Variants in AK5 observed in about 807,000 individuals in gnomAD.
AK5 encodes adenylate kinase isoenzyme 5.
Under a neutral mutation model 69.5 loss-of-function variants are expected in AK5, and 27 were observed. That is an observed-to-expected ratio of 0.39 (90% CI 0.29 to 0.54). AK5 has a LOEUF of 0.54. AK5 is among the 20% of genes least tolerant of loss of function. AK5 has a pLI of 0.71. For synonymous variants in AK5, 260 were observed against 244.4 expected (o/e 1.06, Z -0.60); for missense variants, 531 against 700.4 (o/e 0.76, Z 2.73).
chr1:77,282,223 G>A lies in AK5; in HGVS notation c.-91G>A. ...AGAGGGCTGCACCGCTGCTCGGCGC[G>A]GACTCTGCCAGCCCCAGCTTCAGCC... On this transcript the variant is annotated 5_prime_UTR_variant, in exon 1 of 14. Transcript: ENST00000354567. 3 of 1,259,934 alleles carry A rather than the reference G, an allele frequency of 2.4e-6. No homozygotes were observed. The highest frequency in any genetic ancestry group is 3.3e-6 in the Non-Finnish European group (3 of 913,408). The allele number at this position is 1,259,934 out of a possible 1,614,324, so 78.0% of individuals were successfully genotyped here. A position where few individuals can be genotyped will look rare whatever the true frequency, so the allele number is the denominator to read the frequency against.
In AK5 at chr1:77,521,903, A is replaced by G. The variant is rs1658007856; in HGVS notation, c.1388A>G (p.Tyr463Cys). ...ACCAGGGGCTTCCTGATTGACGGCT[A>G]TCCTCGGGAGGTGAAGCAAGGGGAA... ...GDTRGFLIDG[Y>C]PREVKQGEEF... The change falls in exon 12 of 14, where the codon TAT becomes TGT. Residue 463 changes from tyrosine (Y) to cysteine (C), a missense_variant. Transcript: ENST00000354567. The G allele has an allele frequency of 6.2e-7, 1 of 1,613,352 alleles. No individual in the cohort carries two copies. Among genetic ancestry groups the G allele is most frequent in the South Asian group, 1.1e-5 (1 of 90,946 alleles).
intron 13 of AK5, among the ~76,000 whole-genome samples, chr1:77,547,743 C>T (rs1659615243): frequency 6.6e-6 from 1 of 152,166 alleles, no homozygotes. Context: ...ATACCCAAGT[C>T]ATTCCAAATA....
rs1425180466 is a variant in AK5 at position 77,391,495 on chromosome 1, G to GTGTGTATATA, written c.892-19485_892-19484insGTGTATATAT. Among the ~76,000 whole-genome samples, 55 of 63,392 alleles carry GTGTGTATATA rather than the reference G, an allele frequency of 8.7e-4. 1 individual carries two copies. The South Asian group carries it at 0.03, about 34-fold the overall frequency. The allele number at this position is 63,392 out of a possible 152,430, so 41.6% of individuals were successfully genotyped here. A position where few individuals can be genotyped will look rare whatever the true frequency, so the allele number is the denominator to read the frequency against. On this transcript the variant is annotated intron_variant, in intron 6 of 13. Coordinates refer to ENST00000354567, the MANE Select transcript of AK5 (RefSeq NM_174858.3). ...TATGTGTGTGTGTATGTGTGTGTGT[G>GTGTGTATATA]TATATATATATATATATATATATAT...
intron 6 of AK5, among the ~76,000 whole-genome samples, chr1:77,391,009 C>T (rs529355407): frequency 7.9e-5 from 12 of 152,274 alleles, no homozygotes; most frequent in African/African-American, 2.2e-4. Context: ...AAATAATCCA[C>T]GGACAAACTT....
At chr1:77,346,317 C>T (rs1661912209) in intron 6 of AK5, 1 of 152,160 alleles carries the variant, frequency 6.6e-6, no homozygotes, top group Admixed American at 6.5e-5. Flanking sequence ...TTAGAGAGAA[C>T]TGCTGAATAA....
intron 5 of AK5, among the ~76,000 whole-genome samples, chr1:77,306,046 A>T (rs1467025265): frequency 2.0e-5 from 3 of 151,464 alleles, no homozygotes; most frequent in Non-Finnish European, 3.0e-5. Context: ...CATTACAGAG[A>T]TTGTTTGGTT....
chr1:77,292,839 T>C (rs1373760494), intron 2 of AK5, among the ~76,000 whole-genome samples: 1 of 152,186 alleles, frequency 6.6e-6, no homozygotes, highest in Non-Finnish European at 1.5e-5. Context: ...TGTAATTCAT[T>C]AAATTACCGT....
intron 6 of AK5, among the ~76,000 whole-genome samples, chr1:77,398,642 G>A (rs565572351): frequency 6.6e-6 from 1 of 152,288 alleles, no homozygotes; most frequent in Admixed American, 6.5e-5. Flanking sequence ...GAGAAAAAAC[G>A]AGAACTGCAC....
At chr1:77,353,107 G>C (rs780932336) in intron 6 of AK5, among the ~76,000 whole-genome samples, 6 of 152,040 alleles carry the variant, frequency 3.9e-5, no homozygotes, top group Non-Finnish European at 8.8e-5. Flanking sequence ...CTAACATACT[G>C]TATCCAGTGC....
At chr1:77,483,414 G>A (rs1386690223) in intron 9 of AK5, 55 bp downstream of exon 9, 48 of 1,378,418 alleles carry the variant, frequency 3.5e-5, no homozygotes, top group Non-Finnish European at 4.7e-5. Flanking sequence ...CTTTGACCAT[G>A]CCTTTTTAAT....
At chr1:77,489,186 T>A (rs1655817098) in intron 10 of AK5, among the ~76,000 whole-genome samples, 1 of 152,192 alleles carries the variant, frequency 6.6e-6, no homozygotes, top group Non-Finnish European at 1.5e-5. Context: ...CAGTAGAAGA[T>A]CTTTGGAATT....
intron 5 of AK5, among the ~76,000 whole-genome samples, chr1:77,303,604 A>G (rs1227389536): frequency 6.6e-6 from 1 of 152,222 alleles, no homozygotes; most frequent in Non-Finnish European, 1.5e-5. Context: ...ACTCCACTGT[A>G]CCTTTGTGAG....
At chr1:77,383,069 T>G (rs960193495) in intron 6 of AK5, among the ~76,000 whole-genome samples, 4 of 152,216 alleles carry the variant, frequency 2.6e-5, no homozygotes, top group Admixed American at 2.6e-4. Flanking sequence ...AAACCATTAT[T>G]ATGATAAATG....
chr1:77,459,267 T>A (rs892137998), intron 8 of AK5, among the ~76,000 whole-genome samples: 1 of 152,186 alleles, frequency 6.6e-6, no homozygotes, highest in Non-Finnish European at 1.5e-5. Flanking sequence ...AATTTCAAAC[T>A]CCTTACATGG....
intron 10 of AK5, among the ~76,000 whole-genome samples, chr1:77,508,380 C>G (rs1264857950): frequency 1.3e-5 from 2 of 152,208 alleles, no homozygotes; most frequent in Admixed American, 6.5e-5. Flanking sequence ...TTCCAAACAA[C>G]TCCCCAGCTT....
At chr1:77,497,246 C>T (rs1223127710) in intron 10 of AK5, among the ~76,000 whole-genome samples, 1 of 151,328 alleles carries the variant, frequency 6.6e-6, no homozygotes, top group Non-Finnish European at 1.5e-5. Context: ...TCCTGAAGTC[C>T]CCGAGACCAT....
At chr1:77,316,910 A>G (rs1260069942) in intron 5 of AK5, among the ~76,000 whole-genome samples, 2 of 152,194 alleles carry the variant, frequency 1.3e-5, no homozygotes, top group African/African-American at 2.4e-5. Context: ...GTAAAGATAA[A>G]ATTAGAGTCA....
At chr1:77,499,857 A>G (rs918313425) in intron 10 of AK5, among the ~76,000 whole-genome samples, 7 of 120,202 alleles carry the variant, frequency 5.8e-5, no homozygotes, top group Non-Finnish European at 1.2e-4. Context: ...GACAGAGACC[A>G]TGCCCTTTTT....
At chr1:77,426,856 G>T (rs758159918) in intron 8 of AK5, among the ~76,000 whole-genome samples, 5 of 152,066 alleles carry the variant, frequency 3.3e-5, no homozygotes, top group Non-Finnish European at 7.4e-5. Flanking sequence ...CAAATACCTG[G>T]TGATTAAACA....
Sources: allele counts gnomAD v4.1 joint callset (sites outside exome capture counted in the v4.1 genomes callset), GRCh38; gene constraint gnomAD v4.1.1; transcripts MANE v1.5; gene names NCBI Gene and HGNC (gene_info 2026-07-23, HGNC 2026-07-21).